DMD: variants seen among roughly 807,000 people sequenced by gnomAD.
The protein encoded by DMD is mutant dystrophin.
In DMD, 63 loss-of-function variants were observed where a neutral mutation model predicts 330.1. That is an observed-to-expected ratio of 0.19 (90% CI 0.16 to 0.24). The LOEUF (loss-of-function observed/expected upper bound fraction) is 0.24, where lower values mean the gene tolerates loss of function less well. Ranked by LOEUF, DMD falls within the 10% of genes least tolerant of loss-of-function variation. DMD has a pLI of 1.00. For synonymous variants in DMD, 1,223 were observed against 959.8 expected, an observed-to-expected ratio of 1.27 and a Z score of -5.07; for missense variants, 3,344 against 2,684.1, an observed-to-expected ratio of 1.25 and a Z score of -5.43.
intron 7 of DMD, among the ~76,000 whole-genome samples, chrX:32,751,576 G>A (rs1156559693): frequency 2.7e-5 from 3 of 111,931 alleles, no homozygotes; most frequent in Non-Finnish European, 5.6e-5. Context: ...ATTACAGCCT[G>A]ACAATGTGAT....
At chrX:31,611,663 G>A (rs1210263530) in intron 55 of DMD, among the ~76,000 whole-genome samples, 1 of 111,042 alleles carries the variant, frequency 9.0e-6, no homozygotes, top group African/African-American at 3.3e-5. Flanking sequence ...TGGGTTCAAG[G>A]AATCCTCCTG....
At chrX:33,068,263 A>G (rs1218979952) in intron 1 of DMD, among the ~76,000 whole-genome samples, 2 of 111,677 alleles carry the variant, frequency 1.8e-5, no homozygotes, top group Admixed American at 9.6e-5. Context: ...GAGTTTGGGA[A>G]GGACTGCCTA....
At chrX:32,887,184 A>G (rs897089346) in intron 2 of DMD, among the ~76,000 whole-genome samples, 2 of 108,636 alleles carry the variant, frequency 1.8e-5, no homozygotes, top group Non-Finnish European at 3.8e-5. Flanking sequence ...CGTCTCTACT[A>G]AAAATACAAA....
chrX:31,862,061 C>T (rs1387163094), intron 48 of DMD, among the ~76,000 whole-genome samples: 2 of 109,674 alleles, frequency 1.8e-5, no homozygotes, highest in Non-Finnish European at 3.8e-5. Flanking sequence ...TGAAAGACAA[C>T]AATGCAACAG....
intron 48 of DMD, among the ~76,000 whole-genome samples, chrX:31,859,247 G>C (rs1267820132): frequency 2.7e-5 from 3 of 111,364 alleles, no homozygotes; most frequent in African/African-American, 9.8e-5. Context: ...CAGGAGGAGA[G>C]CAAGGAAATC....
intron 77 of DMD, among the ~76,000 whole-genome samples, chrX:31,127,852 C>A (rs1445767768): frequency 8.9e-6 from 1 of 112,052 alleles, no homozygotes; most frequent in Non-Finnish European, 1.9e-5. Flanking sequence ...CTCTCCTTCT[C>A]TTTCTTCCCT....
chrX:32,192,639 G>A (rs771298471), intron 44 of DMD, among the ~76,000 whole-genome samples: 1 of 111,656 alleles, frequency 9.0e-6, no homozygotes, highest in Non-Finnish European at 1.9e-5. Context: ...TACTTTTGTC[G>A]CCCAGTGGCC....
chrX:31,226,963 A>G (rs1381732217), intron 63 of DMD, among the ~76,000 whole-genome samples: 1 of 112,015 alleles, frequency 8.9e-6, no homozygotes, highest in Non-Finnish European at 1.9e-5. Flanking sequence ...TCCTTTACTT[A>G]TGCAAAAGTA....
intron 5 of DMD, among the ~76,000 whole-genome samples, chrX:32,817,207 T>C (rs913061674): frequency 2.7e-5 from 3 of 111,362 alleles, no homozygotes; most frequent in Non-Finnish European, 5.7e-5. Context: ...CATACCATCA[T>C]TTAACGCAAG....
At chrX:32,615,169 G>A (rs753939205) in intron 11 of DMD, among the ~76,000 whole-genome samples, 1 of 111,400 alleles carries the variant, frequency 9.0e-6, no homozygotes, top group Non-Finnish European at 1.9e-5. Context: ...TATATTCTCG[G>A]TCTTCAGATC....
chrX:31,810,556 T>A (rs758265658), intron 50 of DMD, among the ~76,000 whole-genome samples: 1 of 112,015 alleles, frequency 8.9e-6, no homozygotes, highest in Non-Finnish European at 1.9e-5. Flanking sequence ...GAGTTGGCAG[T>A]TACGCTTCTA....
intron 62 of DMD, among the ~76,000 whole-genome samples, chrX:31,316,864 G>A (rs1199779461): frequency 1.8e-5 from 2 of 111,829 alleles, no homozygotes; most frequent in African/African-American, 6.5e-5. Context: ...TAATTACCCC[G>A]AATCATTCAC....
intron 44 of DMD, among the ~76,000 whole-genome samples, chrX:32,087,442 C>T (rs190782017): frequency 9.0e-6 from 1 of 111,533 alleles, no homozygotes; most frequent in Admixed American, 9.6e-5. Flanking sequence ...AGGACCCGCA[C>T]AGGTACATCA....
chrX:31,651,632 T>C (rs1291372069), intron 54 of DMD, among the ~76,000 whole-genome samples: 2 of 111,362 alleles, frequency 1.8e-5, no homozygotes, highest in Non-Finnish European at 3.8e-5. Flanking sequence ...GCCTTCCCCA[T>C]CTCAGTAAAT....
chrX:31,277,284 C>T (rs2052212393), intron 62 of DMD, among the ~76,000 whole-genome samples: 1 of 111,062 alleles, frequency 9.0e-6, no homozygotes, highest in African/African-American at 3.3e-5. Flanking sequence ...GAACTTATTC[C>T]TCCTAACCGA....
At chrX:32,351,960 T>G (rs1323401882) in intron 37 of DMD, among the ~76,000 whole-genome samples, 2 of 111,046 alleles carry the variant, frequency 1.8e-5, no homozygotes, top group African/African-American at 6.5e-5. Flanking sequence ...GTGTAGGGTC[T>G]AAATTTTCCA....
At chrX:33,050,058 A>G (rs1210046696) in intron 1 of DMD, among the ~76,000 whole-genome samples, 2 of 111,827 alleles carry the variant, frequency 1.8e-5, no homozygotes, top group African/African-American at 6.5e-5. Flanking sequence ...TTTTTCTTAC[A>G]TGAATTGGTT....
chrX:32,997,616 C>T (rs5927118), intron 2 of DMD, among the ~76,000 whole-genome samples: 3,992 of 111,773 alleles, frequency 0.036, 129 homozygotes, highest in East Asian at 0.2. Context: ...CACTTTGACA[C>T]AGGACTATTT....
chrX:31,835,724 G>A (rs981795758), intron 49 of DMD, among the ~76,000 whole-genome samples: 3 of 111,653 alleles, frequency 2.7e-5, no homozygotes, highest in East Asian at 2.8e-4. Context: ...TGGGCCAAGC[G>A]CAAGGGAAAC....
Sources: gnomAD v4.1 joint callset for allele counts (sites outside exome capture counted in the v4.1 genomes callset) on GRCh38, gnomAD v4.1.1 for gene constraint, MANE v1.5 for transcripts, NCBI Gene and HGNC (gene_info 2026-07-23, HGNC 2026-07-21) for gene names.